Variants in HMGA2 observed in about 807,000 individuals in gnomAD.
HMGA2 encodes high mobility group protein HMGI-C.
A neutral mutation model predicts 19.1 loss-of-function variants in HMGA2; 8 were observed. That is an observed-to-expected ratio of 0.42 (90% CI 0.25 to 0.76). The LOEUF is 0.76. HMGA2 is among the 30% of genes least tolerant of loss of function. The pLI is 0.28. For synonymous variants in HMGA2, 60 were observed against 48.8 expected (o/e 1.23, Z -0.96); for missense variants, 109 against 136.3 (o/e 0.80, Z 1.00).
In HMGA2 at chr12:65,865,795, C is replaced by T. The variant is rs183196044; in HGVS notation, c.249+27226C>T. ...GACTACAGGCACCTGCCACCACGCCCGGCTAATTTTTTTTTTTTTGGTATT... is the reference window on the plus strand; with the variant it reads ...GACTACAGGCACCTGCCACCACGCCTGGCTAATTTTTTTTTTTTTGGTATT... On this transcript the variant is annotated intron_variant, in intron 3 of 4. Coordinates refer to ENST00000403681, the MANE Select transcript of HMGA2 (RefSeq NM_003483.6). Among the ~76,000 whole-genome samples the T allele has an allele frequency of 4.8e-3, 724 of 151,442 alleles. 6 individuals carry two copies. Among genetic ancestry groups the T allele is most frequent in the Non-Finnish European group, 7.8e-3 (526 of 67,850 alleles).
intron 3 of HMGA2, among the ~76,000 whole-genome samples, chr12:65,920,432 AG>A (rs1875264586): frequency 6.6e-6 from 1 of 152,208 alleles, no homozygotes; most frequent in Admixed American, 6.5e-5. Context: ...AGATTTGTTT[AG>A]AATGCGTATT....
At chr12:65,909,918 A>T (rs1232423761) in intron 3 of HMGA2, among the ~76,000 whole-genome samples, 3 of 152,224 alleles carry the variant, frequency 2.0e-5, no homozygotes, top group Admixed American at 2.0e-4. Context: ...TATTTGGCTC[A>T]CGTAGTCCTC....
chr12:65,838,998 C>CTTTTTTCTTTTTTTT (rs1870869186), intron 3 of HMGA2, among the ~76,000 whole-genome samples: 4 of 107,228 alleles, frequency 3.7e-5, no homozygotes, highest in Non-Finnish European at 6.9e-5. Flanking sequence ...TTTTCTTTTT[C>CTTTTTTCTTTTTTTT]TTTTTTTTTT....
At chr12:65,951,111 T>C (rs1876442721) in intron 3 of HMGA2, among the ~76,000 whole-genome samples, 1 of 152,084 alleles carries the variant, frequency 6.6e-6, no homozygotes, top group African/African-American at 2.4e-5. Context: ...TGTATGTTTG[T>C]AGAGAGAGGG....
intron 3 of HMGA2, among the ~76,000 whole-genome samples, chr12:65,894,873 A>T (rs1874059851): frequency 6.6e-6 from 1 of 152,188 alleles, no homozygotes; most frequent in South Asian, 2.1e-4. Flanking sequence ...GAAGTCTGGG[A>T]GAAGTGTTTT....
chr12:65,933,438 T>C (rs2121273793), intron 3 of HMGA2, among the ~76,000 whole-genome samples: 1 of 152,350 alleles, frequency 6.6e-6, no homozygotes, highest in Middle Eastern at 3.4e-3. Flanking sequence ...ATAAGCGATG[T>C]TGCAAAGCAC....
At position 65,965,738 on chromosome 12, in the gene HMGA2, G is replaced by T. The variant is rs1876889602; in HGVS notation, c.*2446G>T. 4.5e-6 allele frequency: 1 copy of T among 222,864 alleles called. No homozygotes were observed. The highest frequency in any genetic ancestry group is 2.2e-5 in the African/African-American group (1 of 44,700). The allele number at this position is 222,864 out of a possible 1,614,324, so 13.8% of individuals were successfully genotyped here. On this transcript the variant is annotated 3_prime_UTR_variant, in exon 5 of 5. Transcript: ENST00000403681. ...GCAATTGCTCATGTTGGCCAAACAT[G>T]GTGCACCGAGTGATTTCCATCTCTG...
At chr12:65,883,621 A>C (rs1873533987) in intron 3 of HMGA2, among the ~76,000 whole-genome samples, 2 of 152,206 alleles carry the variant, frequency 1.3e-5, no homozygotes, top group Non-Finnish European at 2.9e-5. Context: ...AATTTAGGTT[A>C]ATGTCTATGC....
At chr12:65,839,075 A>G (rs1169491660) in intron 3 of HMGA2, among the ~76,000 whole-genome samples, 2 of 134,924 alleles carry the variant, frequency 1.5e-5, no homozygotes, top group African/African-American at 6.1e-5. Context: ...TTTCTTTTTC[A>G]CATGGCTTTG....
chr12:65,824,715 CT>C lies in HMGA2; in HGVS notation c.-555del, dbSNP rs1565697407. 2.1e-3 allele frequency: 42 copies of C among 20,142 alleles called. No homozygotes were observed. Among genetic ancestry groups the C allele is most frequent in the Admixed American group, 4.8e-3 (10 of 2,078 alleles). 1.2% of individuals were successfully genotyped at this position (20,142 alleles called of 1,614,324 possible). ...AAGGCACTTTCAATCTCAATCTCTT[CT>C]CTCTCTCTCTCTCTCTCTCTCTCTC... On this transcript the variant is annotated 5_prime_UTR_variant, in exon 1 of 5. Coordinates refer to ENST00000403681, the MANE Select transcript of HMGA2 (RefSeq NM_003483.6).
rs529767373 is a variant in HMGA2, at chr12:65,871,036, C to T, written c.249+32467C>T. Among the ~76,000 whole-genome samples the T allele has an allele frequency of 4.9e-4, 75 of 152,116 alleles. 1 individual carries two copies. In the Middle Eastern group the frequency reaches 0.01, roughly 21 times the overall value. ...AAGCAAGAGAATGACAGGTCAAATC[C>T]GACATGATTTAGAAAAAACGTAGGC... On this transcript the variant is annotated intron_variant, in intron 3 of 4. Transcript: ENST00000403681.
At chr12:65,917,058 G>A (rs1875127843) in intron 3 of HMGA2, among the ~76,000 whole-genome samples, 1 of 152,222 alleles carries the variant, frequency 6.6e-6, no homozygotes, top group Admixed American at 6.5e-5. Context: ...GCTGAAGATG[G>A]AAATCTGGGG....
chr12:65,862,251 A>G (rs1230687353), intron 3 of HMGA2, among the ~76,000 whole-genome samples: 3 of 148,802 alleles, frequency 2.0e-5, no homozygotes, highest in Non-Finnish European at 1.5e-5. Flanking sequence ...TTCAGATGTT[A>G]TAACAAATTT....
intron 3 of HMGA2, among the ~76,000 whole-genome samples, chr12:65,894,300 C>T (rs1874035974): frequency 6.6e-6 from 1 of 152,084 alleles, no homozygotes; most frequent in Non-Finnish European, 1.5e-5. Context: ...TTTATAGGCA[C>T]TGCATATTTC....
chr12:65,826,328 A>G (rs2120817710), intron 1 of HMGA2: 1 of 152,328 alleles, frequency 6.6e-6, no homozygotes, highest in South Asian at 2.1e-4. Flanking sequence ...GCGCTTGCAG[A>G]GCTGCGCTCA....
At chr12:65,930,490 T>C (rs1018839938) in intron 3 of HMGA2, among the ~76,000 whole-genome samples, 6 of 152,224 alleles carry the variant, frequency 3.9e-5, no homozygotes, top group Admixed American at 2.0e-4. Flanking sequence ...TTTCAACACA[T>C]GCTTTTTGGC....
At chr12:65,900,717 G>A (rs995953944) in intron 3 of HMGA2, among the ~76,000 whole-genome samples, 2 of 152,152 alleles carry the variant, frequency 1.3e-5, no homozygotes, top group African/African-American at 4.8e-5. Flanking sequence ...ACAAGCGCTG[G>A]TAATTACTGA....
chr12:65,939,194 C>T (rs1876000140), intron 3 of HMGA2, among the ~76,000 whole-genome samples: 1 of 152,108 alleles, frequency 6.6e-6, no homozygotes, highest in Non-Finnish European at 1.5e-5. Flanking sequence ...GAAGATTCTC[C>T]CTGAAATTTT....
intron 3 of HMGA2, among the ~76,000 whole-genome samples, chr12:65,849,938 C>G (rs527569439): frequency 6.6e-6 from 1 of 152,062 alleles, no homozygotes; most frequent in South Asian, 2.1e-4. Context: ...AGGCTGGTCT[C>G]AAACTCCTGA....
Sources: allele counts gnomAD v4.1 joint callset (sites outside exome capture counted in the v4.1 genomes callset), GRCh38; gene constraint gnomAD v4.1.1; transcripts MANE v1.5; gene names NCBI Gene and HGNC (gene_info 2026-07-23, HGNC 2026-07-21).